The following XDH variants were observed in gnomAD, a reference collection of about 807,000 sequenced individuals.
The protein encoded by XDH is xanthine dehydrogenase/oxidase.
XDH carries 138 observed loss-of-function variants against 156.1 expected under a neutral mutation model. The ratio of observed to expected loss-of-function variants is 0.88; its 90% confidence interval spans 0.77 to 1.02. XDH has a LOEUF of 1.02. Among genes scored for constraint, XDH ranks in the 50% least tolerant of loss-of-function variants. The pLI is 0.00. For synonymous variants in XDH, 669 were observed against 625.7 expected (o/e 1.07, Z -1.03); for missense variants, 1,849 against 1,684.9 (o/e 1.10, Z -1.71).
At position 31,335,637 on chromosome 2, in the gene XDH, T is replaced by G; in HGVS notation, c.*321A>C. The G allele has an allele frequency of 2.2e-6, 1 of 453,482 alleles. No individual in the cohort carries two copies. 28.1% of individuals were successfully genotyped at this position (453,482 alleles called of 1,614,324 possible). ...CAGACACCATCAGAACTTGAGGTTA[T>G]ACAGGCTGTCCAGTAAGTGGGGAAT... On this transcript the variant is annotated 3_prime_UTR_variant, in exon 36 of 36. Coordinates refer to ENST00000379416, the MANE Select transcript of XDH (RefSeq NM_000379.4).
At chr2:31,392,197 T>A (rs1048161331) in intron 6 of XDH, among the ~76,000 whole-genome samples, 1 of 152,086 alleles carries the variant, frequency 6.6e-6, no homozygotes, top group Admixed American at 6.5e-5. Context: ...TTTTTTTTCT[T>A]AGTTAGCCTG....
rs112243346 is a variant in XDH at position 31,385,570 on chromosome 2, G to A, written c.793+844C>T. Among the ~76,000 whole-genome samples, 966 of 152,258 alleles carry A rather than the reference G, an allele frequency of 6.3e-3. 5 individuals are homozygous for A. Among genetic ancestry groups the A allele is most frequent in the Non-Finnish European group, 9.4e-3 (642 of 68,018 alleles). On this transcript the variant is annotated intron_variant, in intron 9 of 35. Coordinates refer to ENST00000379416, the MANE Select transcript of XDH (RefSeq NM_000379.4). ...CAGCAGAGGTCCTCAGCTGTCCCAC[G>A]GTCTCCTCCTTAGATCCTCACTAGG...
At chr2:31,390,261 T>C (rs1453227417) in intron 6 of XDH, among the ~76,000 whole-genome samples, 2 of 152,248 alleles carry the variant, frequency 1.3e-5, no homozygotes, top group Non-Finnish European at 2.9e-5. Flanking sequence ...AGAATAGATA[T>C]CATACAATAT....
intron 6 of XDH, among the ~76,000 whole-genome samples, chr2:31,392,133 A>G (rs967269638): frequency 6.6e-6 from 1 of 152,142 alleles, no homozygotes. Flanking sequence ...TTTAATGTAC[A>G]TGAGCTCTAT....
intron 24 of XDH, among the ~76,000 whole-genome samples, chr2:31,359,431 T>C (rs1037296647): frequency 1.1e-4 from 17 of 151,654 alleles, no homozygotes; most frequent in Admixed American, 4.6e-4. Context: ...AAGTGTCCTA[T>C]TGCATCACAA....
intron 10 of XDH, 71 bp downstream of exon 10, chr2:31,383,684 C>A (rs543851698): frequency 4.8e-6 from 7 of 1,465,506 alleles, no homozygotes; most frequent in South Asian, 3.6e-5. Context: ...ACCCTGATAC[C>A]TGCCACCCAC....
In XDH at chr2:31,346,831, T is replaced by C. The variant is rs1364639685; in HGVS notation, c.3289A>G (p.Thr1097Ala). The C allele has an allele frequency of 6.2e-7, 1 of 1,614,060 alleles. No individual in the cohort carries two copies. The highest frequency in any genetic ancestry group is 1.7e-5 in the Admixed American group (1 of 60,018). Reference protein sequence around the residue: ...NGQAVYAACQTILKRLEPYKK... With the variant: ...NGQAVYAACQAILKRLEPYKK... ...TAGGGTTCCAGCCTTTTCAAGATGG[T>C]CTGACAAGCCGCCTAAAGTAAACAC... The change falls in exon 30 of 36, where the codon ACC (threonine) becomes GCC (alanine). Residue 1097 changes from threonine (T) to alanine (A), a missense_variant. Thr to Ala is a moderately conservative substitution (Grantham distance 58). Transcript: ENST00000379416.
intron 13 of XDH, among the ~76,000 whole-genome samples, chr2:31,378,222 T>C (rs762248852): frequency 5.9e-4 from 89 of 151,202 alleles, no homozygotes; most frequent in Non-Finnish European, 5.0e-4. Context: ...AAAGAAAATA[T>C]CACTATCACA....
intron 9 of XDH, among the ~76,000 whole-genome samples, chr2:31,386,125 G>C (rs1433141187): frequency 6.6e-6 from 1 of 152,198 alleles, no homozygotes. Context: ...TCAAGGAGTT[G>C]TTAGTATCCC....
At chr2:31,398,947 C>T (rs1335513145) in intron 4 of XDH, among the ~76,000 whole-genome samples, 1 of 152,198 alleles carries the variant, frequency 6.6e-6, no homozygotes, top group Non-Finnish European at 1.5e-5. Flanking sequence ...TGAGGATTAA[C>T]TGAGATATTC....
intron 34 of XDH, 67 bp from the exon 35 acceptor site, chr2:31,337,884 A>AGG: frequency 6.4e-7 from 1 of 1,564,944 alleles, no homozygotes; most frequent in Non-Finnish European, 8.7e-7. Context: ...CATCAAGTGG[A>AGG]CCTAGGAGGC....
intron 26 of XDH, 135 bp from the exon 27 acceptor site, chr2:31,349,115 C>T (rs1309165640): frequency 1.2e-6 from 1 of 814,104 alleles, no homozygotes; most frequent in African/African-American, 1.7e-5. Context: ...GTGCACAGCC[C>T]ACACCAGGGG....
At chr2:31,350,368 CTTTTTTTTTTTTT>C (rs35646405) in intron 24 of XDH, 145 bp from the exon 25 acceptor site, 81 of 259,944 alleles carry the variant, frequency 3.1e-4, no homozygotes, top group Admixed American at 1.9e-3. Context: ...GCAGCAGCAT[CTTTTTTTTTTTTT>C]TTTTTTTTTT....
chr2:31,377,357 G>T lies in XDH; in HGVS notation c.1243-120C>A, dbSNP rs768745150. On this transcript the variant is annotated intron_variant, in intron 13 of 35. Transcript: ENST00000379416. Reference sequence around the variant, plus strand: ...GGATAACACCATCACACATCAGTGGGTGAACTGGCCCCGGGAATCAAAGAT... The same window carrying T: ...GGATAACACCATCACACATCAGTGGTTGAACTGGCCCCGGGAATCAAAGAT... 88 of 1,069,980 alleles carry T rather than the reference G, an allele frequency of 8.2e-5. 1 individual carries two copies. The highest frequency in any genetic ancestry group is 1.2e-4 in the Non-Finnish European group (84 of 704,312). The allele number at this position is 1,069,980 out of a possible 1,614,324, so 66.3% of individuals were successfully genotyped here.
At chr2:31,360,671 A>G (rs1051728717) in intron 24 of XDH, among the ~76,000 whole-genome samples, 1 of 152,152 alleles carries the variant, frequency 6.6e-6, no homozygotes, top group Non-Finnish European at 1.5e-5. Context: ...GATTGAAAAA[A>G]CATAGTCTAT....
rs751261129 is a variant in XDH, at chr2:31,403,066, C to T, written c.179G>A (p.Arg60His). 34 of 1,614,054 alleles carry T rather than the reference C, an allele frequency of 2.1e-5. No individual in the cohort carries two copies. In the Middle Eastern group the frequency reaches 8.2e-4, roughly 39 times the overall value. ...AGGATACACGATCTTGTTCTGCAGA[C>T]GATCATACTTGGAGAGCATCACTGT... ...ACTVMLSKYD[R>H]LQNKIVHFSA... Residue 60 changes from arginine to histidine, a missense_variant, in exon 3 of 36, where the codon CGT becomes CAT. Physicochemically the swap from Arg to His is conservative, Grantham distance 29. Transcript: ENST00000379416.
intron 13 of XDH, among the ~76,000 whole-genome samples, chr2:31,377,623 C>A (rs1686280714): frequency 6.6e-6 from 1 of 152,086 alleles, no homozygotes; most frequent in African/African-American, 2.4e-5. Context: ...AGTGCCCACC[C>A]AGCCTCTCTG....
intron 1 of XDH, among the ~76,000 whole-genome samples, chr2:31,414,305 C>G (rs910121303): frequency 6.6e-6 from 1 of 151,812 alleles, no homozygotes; most frequent in Non-Finnish European, 1.5e-5. Context: ...CAAATCTCAC[C>G]TAGAACTCAA....
intron 27 of XDH, 98 bp from the exon 28 acceptor site, chr2:31,348,461 C>A: frequency 8.5e-7 from 1 of 1,178,828 alleles, no homozygotes; most frequent in South Asian, 1.3e-5. Context: ...AGAGAACCAG[C>A]AGCATTTTGG....
Sources: gnomAD v4.1 joint callset for allele counts (sites outside exome capture counted in the v4.1 genomes callset) on GRCh38, gnomAD v4.1.1 for gene constraint, MANE v1.5 for transcripts, NCBI Gene and HGNC (gene_info 2026-07-23, HGNC 2026-07-21) for gene names.